The following C12orf54 variants were observed in gnomAD, a reference collection of about 807,000 sequenced individuals.
C12orf54 encodes the protein chromosome 12 open reading frame 54, also known as uncharacterized protein C12orf54.
In C12orf54, 24 loss-of-function variants were observed where a neutral mutation model predicts 26.4. That is an observed-to-expected ratio of 0.91 (90% CI 0.66 to 1.28). The LOEUF (loss-of-function observed/expected upper bound fraction) is 1.28, where lower values mean the gene tolerates loss of function less well. Among genes scored for constraint, C12orf54 ranks in the 50% most tolerant of loss-of-function variants. C12orf54 has a pLI of 0.00. For synonymous variants in C12orf54, 54 were observed against 47.0 expected, an observed-to-expected ratio of 1.15 and a Z score of -0.61; for missense variants, 154 against 150.9, an observed-to-expected ratio of 1.02 and a Z score of -0.11.
At chr12:48,421,583 G>T in the C12orf54 span, among the ~76,000 whole-genome samples, 1 of 135,104 alleles carries the variant, frequency 7.4e-6, no homozygotes, top group Non-Finnish European at 1.5e-5. Flanking sequence ...AGGCTGGAGT[G>T]CAGTGGCACG....
chr12:48,477,695 A>G (rs1954157702), upstream of C12orf54, among the ~76,000 whole-genome samples: 1 of 152,216 alleles, frequency 6.6e-6, no homozygotes, highest in African/African-American at 2.4e-5. Flanking sequence ...AGACTAAACC[A>G]GGAAGAAGTT....
chr12:48,472,019 G>C, the C12orf54 span, among the ~76,000 whole-genome samples: 1 of 152,042 alleles, frequency 6.6e-6, no homozygotes, highest in Non-Finnish European at 1.5e-5. Flanking sequence ...TGGTTTCTTT[G>C]AGCAGTGATT....
At chr12:48,435,971 A>G in the C12orf54 span, among the ~76,000 whole-genome samples, 3 of 152,216 alleles carry the variant, frequency 2.0e-5, no homozygotes, top group East Asian at 1.9e-4. Flanking sequence ...GGCAAATTGG[A>G]TAAAGAGTCA....
the C12orf54 span, among the ~76,000 whole-genome samples, chr12:48,419,220 G>A: frequency 6.6e-6 from 1 of 152,164 alleles, no homozygotes; most frequent in African/African-American, 2.4e-5. Context: ...GACCAGAGAA[G>A]GCAGCAGGAT....
At chr12:48,457,656 C>T in the C12orf54 span, among the ~76,000 whole-genome samples, 2 of 152,072 alleles carry the variant, frequency 1.3e-5, no homozygotes. Flanking sequence ...GGTGTTTGGC[C>T]CCTCCAAGCC....
the C12orf54 span, among the ~76,000 whole-genome samples, chr12:48,467,091 T>A: frequency 1.3e-5 from 2 of 152,080 alleles, no homozygotes; most frequent in East Asian, 1.9e-4. Flanking sequence ...GATATCAAGA[T>A]AAGATCATCC....
At chr12:48,478,032 C>T (rs1954161464), upstream of C12orf54, among the ~76,000 whole-genome samples, 1 of 152,180 alleles carries the variant, frequency 6.6e-6, no homozygotes, top group Non-Finnish European at 1.5e-5. Context: ...AGCAGCACAT[C>T]ATAAAGCTTA....
At chr12:48,447,212 C>CTG in the C12orf54 span, among the ~76,000 whole-genome samples, 8,381 of 90,826 alleles carry the variant, frequency 0.092, 406 homozygotes, top group African/African-American at 0.17. Context: ...CTCTCTTACT[C>CTG]TGTGTGTGTG....
the C12orf54 span, among the ~76,000 whole-genome samples, chr12:48,469,277 A>C: frequency 0.024 from 3,646 of 152,256 alleles, 72 homozygotes; most frequent in Non-Finnish European, 0.036. Context: ...ACTGCATAAG[A>C]TGGACACTCC....
chr12:48,441,615 C>T, the C12orf54 span, among the ~76,000 whole-genome samples: 1 of 152,108 alleles, frequency 6.6e-6, no homozygotes, highest in Non-Finnish European at 1.5e-5. Context: ...CCATGATTAA[C>T]AGTGTCTCTT....
chr12:48,415,758 C>T, the C12orf54 span, among the ~76,000 whole-genome samples: 1 of 152,068 alleles, frequency 6.6e-6, no homozygotes, highest in Admixed American at 6.6e-5. Context: ...CATATATTAG[C>T]CCTGACCATT....
chr12:48,447,966 G>A, the C12orf54 span, among the ~76,000 whole-genome samples: 2 of 152,174 alleles, frequency 1.3e-5, no homozygotes, highest in Non-Finnish European at 2.9e-5. Context: ...CAGAATGCAT[G>A]AGAAGTAATG....
the C12orf54 span, among the ~76,000 whole-genome samples, chr12:48,454,320 C>T: frequency 1.4e-3 from 216 of 152,134 alleles, no homozygotes; most frequent in African/African-American, 4.8e-3. Context: ...AGGATAGTCT[C>T]CATCTCCTGA....
At chr12:48,430,091 T>G in the C12orf54 span, among the ~76,000 whole-genome samples, 1 of 152,112 alleles carries the variant, frequency 6.6e-6, no homozygotes, top group Admixed American at 6.5e-5. Context: ...CAAATGGTAA[T>G]AAGATAATTG....
intron 5 of C12orf54, among the ~76,000 whole-genome samples, chr12:48,489,613 C>T (rs576162553): frequency 6.6e-5 from 10 of 152,168 alleles, no homozygotes; most frequent in South Asian, 2.1e-4. Flanking sequence ...GACAGGGTTT[C>T]GCCATGTTGC....
chr12:48,434,220 C>T, the C12orf54 span, among the ~76,000 whole-genome samples: 63 of 152,190 alleles, frequency 4.1e-4, no homozygotes, highest in African/African-American at 1.3e-3. Flanking sequence ...GGGGGAGGGG[C>T]GCCCGCCATT....
intron 5 of C12orf54, 77 bp from the exon 6 acceptor site, chr12:48,490,735 A>G (rs867302090): frequency 6.5e-7 from 1 of 1,538,726 alleles, no homozygotes; most frequent in Non-Finnish European, 9.0e-7. Flanking sequence ...CATTTGACCA[A>G]GTCTATAGCT....
the C12orf54 span, among the ~76,000 whole-genome samples, chr12:48,450,222 C>T: frequency 7.9e-5 from 12 of 152,046 alleles, no homozygotes; most frequent in Non-Finnish European, 7.4e-5. Flanking sequence ...ACAACCTGCC[C>T]CTGAATGAAT....
chr12:48,454,416 C>T, the C12orf54 span, among the ~76,000 whole-genome samples: 10 of 151,972 alleles, frequency 6.6e-5, no homozygotes, highest in Non-Finnish European at 1.3e-4. Flanking sequence ...TTCTTTAATT[C>T]GATTAATCAG....
Sources: allele counts gnomAD v4.1 joint callset (sites outside exome capture counted in the v4.1 genomes callset), GRCh38; gene constraint gnomAD v4.1.1; transcripts MANE v1.5; gene names NCBI Gene and HGNC (gene_info 2026-07-23, HGNC 2026-07-21).